The following SH3BP4 variants were observed in gnomAD, a reference collection of about 807,000 sequenced individuals.
The protein encoded by SH3BP4 is SH3 domain binding protein 4.
SH3BP4 carries 33 observed loss-of-function variants against 65.5 expected under a neutral mutation model. The observed-to-expected ratio is 0.50, with a 90% CI of 0.38 to 0.67. SH3BP4 has a LOEUF of 0.67. Ranked by LOEUF, SH3BP4 falls within the 30% of genes least tolerant of loss-of-function variation. The pLI is 0.00. For missense variants in SH3BP4, 1,134 were observed against 1,261.4 expected (o/e 0.90, Z 1.53); for synonymous variants, 552 against 545.5 (o/e 1.01, Z -0.17).
At chr2:234,981,116 A>G (rs1037300980) in intron 1 of SH3BP4, among the ~76,000 whole-genome samples, 9 of 152,168 alleles carry the variant, frequency 5.9e-5, no homozygotes, top group African/African-American at 1.9e-4. Flanking sequence ...CCTTGCCCTC[A>G]TGGGCTTTTA....
Position 234,978,016 on chromosome 2 carries a change from C to T in SH3BP4, c.-206-17287C>T, listed in dbSNP as rs113819589. On this transcript the variant is annotated intron_variant, in intron 1 of 5. Transcript: ENST00000392011. The surrounding 1 kb of genome is among the most constrained non-coding windows in gnomAD (Gnocchi z 4.1). ...TGTTGGCCAGGCTGGAGTGCAGTGG[C>T]GCCATCTCTGCTCACTGCAACCTCT... is the stretch of plus-strand genomic sequence containing the variant. 0.018 allele frequency among the ~76,000 whole-genome samples: 2,683 copies of T among 152,218 alleles called. 79 individuals are homozygous for T. The highest frequency in any genetic ancestry group is 0.058 in the African/African-American group (2,400 of 41,520).
chr2:235,020,172 T>C (rs1694810353), intron 2 of SH3BP4, among the ~76,000 whole-genome samples: 1 of 152,146 alleles, frequency 6.6e-6, no homozygotes, highest in African/African-American at 2.4e-5. Flanking sequence ...AGATTTTAGT[T>C]ACTGAATTGA....
chr2:234,956,601 T>A (rs1692591586), intron 1 of SH3BP4, among the ~76,000 whole-genome samples: 1 of 151,330 alleles, frequency 6.6e-6, no homozygotes, highest in South Asian at 2.1e-4. Flanking sequence ...TTGCCCAGGC[T>A]GGAGTGCAGT....
At chr2:235,031,656 G>A (rs1274375499) in intron 2 of SH3BP4, among the ~76,000 whole-genome samples, 1 of 152,216 alleles carries the variant, frequency 6.6e-6, no homozygotes, top group Non-Finnish European at 1.5e-5. Flanking sequence ...TGCAGGGCCA[G>A]GTCTTCACTG....
chr2:235,006,244 G>A lies in SH3BP4; in HGVS notation c.-133+10868G>A, dbSNP rs571054115. 3.3e-5 allele frequency among the ~76,000 whole-genome samples: 5 copies of A among 152,348 alleles called. No individual in the cohort carries two copies. The South Asian group carries it at 6.2e-4, about 19-fold the overall frequency. On this transcript the variant is annotated intron_variant, in intron 2 of 5. Coordinates refer to ENST00000392011, the MANE Select transcript of SH3BP4 (RefSeq NM_014521.3). ...CCTTTGTCTTTGCGGGCTTTGTTCC[G>A]CGAGGATTTTTTCTTTCCTGCCCTT...
intron 2 of SH3BP4, among the ~76,000 whole-genome samples, chr2:235,022,870 G>A (rs558037102): frequency 2.2e-4 from 34 of 152,296 alleles, no homozygotes; most frequent in African/African-American, 7.5e-4. Context: ...GCTGGGAGGA[G>A]CAGGGTCAGG....
rs764919950 is a variant in SH3BP4 at position 235,041,134 on chromosome 2, G to A, written c.365G>A (p.Ser122Asn). Residue 122 changes from serine (S) to asparagine (N), a missense_variant, in exon 4 of 6, where the codon AGC (serine) becomes AAC (asparagine). Transcript: ENST00000392011. This position sits in a 1 kb window ranked among gnomAD's most constrained non-coding sequence, Gnocchi z 6.0. Reference protein sequence around the residue: ...LNYRNSTLSDSGMIDNLPDSP... With the variant: ...LNYRNSTLSDNGMIDNLPDSP... ...TACCGGAACTCAACACTGAGTGACA[G>A]CGGTATGATTGATAATCTTCCAGAC... The A allele has an allele frequency of 1.2e-6, 2 of 1,614,074 alleles. No homozygotes were observed. The highest frequency in any genetic ancestry group is 8.5e-7 in the Non-Finnish European group (1 of 1,180,048).
At chr2:235,036,617 T>A (rs1331806329) in intron 3 of SH3BP4, among the ~76,000 whole-genome samples, 1 of 151,752 alleles carries the variant, frequency 6.6e-6, no homozygotes, top group Non-Finnish European at 1.5e-5. Context: ...TAGCCAGGCA[T>A]GGTGGAGCGT....
At position 235,055,034 on chromosome 2, in the gene SH3BP4, A is replaced by G. The variant is rs1696181647; in HGVS notation, c.*1218A>G. The G allele has an allele frequency of 6.6e-6, 1 of 152,280 alleles. No homozygotes were observed. The highest frequency in any genetic ancestry group is 6.5e-5 in the Admixed American group (1 of 15,292). The allele number at this position is 152,280 out of a possible 1,614,324, so 9.4% of individuals were successfully genotyped here. A position where few individuals can be genotyped will look rare whatever the true frequency, so the allele number is the denominator to read the frequency against. On this transcript the variant is annotated 3_prime_UTR_variant, in exon 6 of 6. Coordinates refer to ENST00000392011, the MANE Select transcript of SH3BP4 (RefSeq NM_014521.3). ...GTAAAAATGAAAATGTGACTCACATAAAATCAGGAACTTGACACAGTGTTG... is the reference window on the plus strand; with the variant it reads ...GTAAAAATGAAAATGTGACTCACATGAAATCAGGAACTTGACACAGTGTTG...
At chr2:234,957,648 G>T (rs770786410) in intron 1 of SH3BP4, among the ~76,000 whole-genome samples, 1 of 151,852 alleles carries the variant, frequency 6.6e-6, no homozygotes, top group Non-Finnish European at 1.5e-5. Flanking sequence ...CATGTTCCAG[G>T]CCCATCCCCA....
chr2:234,965,339 G>A (rs534150794), intron 1 of SH3BP4, among the ~76,000 whole-genome samples: 1 of 152,274 alleles, frequency 6.6e-6, no homozygotes, highest in Admixed American at 6.5e-5. Context: ...GGCTTTAATT[G>A]TCAGTTTCTG....
At chr2:235,037,598 G>A (rs779312470) in intron 3 of SH3BP4, among the ~76,000 whole-genome samples, 21 of 152,264 alleles carry the variant, frequency 1.4e-4, no homozygotes, top group Middle Eastern at 3.4e-3. Context: ...TTATTCTGAG[G>A]GAGCATAATA....
chr2:235,053,057 C>T (rs1050197782), intron 5 of SH3BP4, among the ~76,000 whole-genome samples: 1 of 152,208 alleles, frequency 6.6e-6, no homozygotes, highest in Non-Finnish European at 1.5e-5. Flanking sequence ...TTGAATAATG[C>T]AATAACACAT....
intron 3 of SH3BP4, among the ~76,000 whole-genome samples, chr2:235,038,372 TATACATATATATATA>T (rs1695506078): frequency 2.1e-5 from 1 of 46,662 alleles, no homozygotes; most frequent in South Asian, 8.3e-4. Flanking sequence ...ATATAATATA[TATACATATATATATA>T]TATATATATA....
intron 1 of SH3BP4, among the ~76,000 whole-genome samples, chr2:234,968,198 A>G (rs1160028911): frequency 6.6e-6 from 1 of 152,126 alleles, no homozygotes; most frequent in Non-Finnish European, 1.5e-5. Flanking sequence ...AACTCTATTC[A>G]GGGAATATTT....
rs1693117617 is a variant in SH3BP4, at chr2:234,974,781, G to A, written c.-206-20522G>A. The stretch of plus-strand genomic sequence containing the variant: ...GCCTCCTCTTTGTTCCCTGGCTGGT[G>A]TTGGGGTGCTTTCTGGACAAGGGTG... On this transcript the variant is annotated intron_variant, in intron 1 of 5. Transcript: ENST00000392011. The surrounding 1 kb of genome is among the most constrained non-coding windows in gnomAD (Gnocchi z 4.6). Among the ~76,000 whole-genome samples the A allele has an allele frequency of 6.6e-6, 1 of 152,198 alleles. No homozygotes were observed. Among genetic ancestry groups the A allele is most frequent in the African/African-American group, 2.4e-5 (1 of 41,458 alleles).
Position 235,035,785 on chromosome 2 carries a change from C to G in SH3BP4, c.118+665C>G, listed in dbSNP as rs918077812. On this transcript the variant is annotated intron_variant, in intron 3 of 5. Transcript: ENST00000392011. This position sits in a 1 kb window ranked among gnomAD's most constrained non-coding sequence, Gnocchi z 5.0. ...AAATTGAGTTCATGAGAAAACCTAT[C>G]TTTTGGACACCAAGGTGAATACTAG... 2.0e-5 allele frequency among the ~76,000 whole-genome samples: 3 copies of G among 152,220 alleles called. No individual in the cohort carries two copies. The highest frequency in any genetic ancestry group is 4.4e-5 in the Non-Finnish European group (3 of 68,040).
intron 1 of SH3BP4, among the ~76,000 whole-genome samples, chr2:234,975,976 G>A (rs559758426): frequency 2.0e-5 from 3 of 152,334 alleles, no homozygotes; most frequent in Admixed American, 1.3e-4. Flanking sequence ...CCTAAAAGAA[G>A]CTATTTCTTT....
chr2:234,984,983 C>T (rs1693502273), intron 1 of SH3BP4, among the ~76,000 whole-genome samples: 1 of 152,158 alleles, frequency 6.6e-6, no homozygotes, highest in Non-Finnish European at 1.5e-5. Flanking sequence ...TGAGACTATG[C>T]CCTAGAATTG....
Sources: gnomAD v4.1 joint callset for allele counts (sites outside exome capture counted in the v4.1 genomes callset) on GRCh38, gnomAD v4.1.1 for gene constraint, Gnocchi (gnomAD v3.1) non-coding constraint, MANE v1.5 for transcripts, NCBI Gene and HGNC (gene_info 2026-07-23, HGNC 2026-07-21) for gene names.